The following CSMD1 variants were observed in gnomAD, a reference collection of about 807,000 sequenced individuals.
The protein encoded by CSMD1 is CUB and Sushi multiple domains 1, also known as CUB and sushi domain-containing protein 1.
A neutral mutation model predicts 417.5 loss-of-function variants in CSMD1; 213 were observed. The ratio of observed to expected loss-of-function variants is 0.51; its 90% CI spans 0.46 to 0.57. The LOEUF is 0.57. Among genes scored for constraint, CSMD1 ranks in the 20% least tolerant of loss-of-function variants. The probability of loss-of-function intolerance (pLI) is 0.00; values close to 1 mark genes in which losing one functional copy is unlikely to be tolerated. For missense variants in CSMD1, 6,923 were observed against 4,529.7 expected (o/e 1.53, Z -15.17); for synonymous variants, 2,862 against 1,736.8 (o/e 1.65, Z -16.11).
chr8:3,780,527 G>C (rs1054601388), intron 5 of CSMD1, among the ~76,000 whole-genome samples: 12 of 152,154 alleles, frequency 7.9e-5, no homozygotes, highest in Non-Finnish European at 1.8e-4. Context: ...TGGTACTACT[G>C]AATTGGATGG....
intron 9 of CSMD1, among the ~76,000 whole-genome samples, chr8:3,576,118 A>G (rs1800140831): frequency 2.6e-5 from 4 of 152,102 alleles, no homozygotes. Flanking sequence ...CAAGTCAGTT[A>G]TTATTCTAGC....
chr8:3,805,868 AG>A (rs776721260), intron 5 of CSMD1, among the ~76,000 whole-genome samples: 5 of 152,102 alleles, frequency 3.3e-5, no homozygotes, highest in Non-Finnish European at 5.9e-5. Flanking sequence ...TCAGTTTCCC[AG>A]ATTTCTATTC....
intron 7 of CSMD1, among the ~76,000 whole-genome samples, chr8:3,701,185 G>T (rs1361966837): frequency 6.6e-6 from 1 of 152,078 alleles, no homozygotes; most frequent in Admixed American, 6.6e-5. Flanking sequence ...CCCGTGGATA[G>T]GAAGTTCTGG....
At chr8:4,437,522 T>A (rs766912426) in intron 2 of CSMD1, among the ~76,000 whole-genome samples, 1 of 152,178 alleles carries the variant, frequency 6.6e-6, no homozygotes. Flanking sequence ...TGTATTTTTG[T>A]CATTTATTTC....
intron 1 of CSMD1, among the ~76,000 whole-genome samples, chr8:4,722,333 T>C (rs955535395): frequency 3.9e-5 from 6 of 152,306 alleles, no homozygotes; most frequent in Non-Finnish European, 4.4e-5. Flanking sequence ...ATATATTTAA[T>C]ATCCATGCAG....
At chr8:4,791,003 G>A (rs1580189) in intron 1 of CSMD1, among the ~76,000 whole-genome samples, 1 of 151,958 alleles carries the variant, frequency 6.6e-6, no homozygotes, top group African/African-American at 2.4e-5. Context: ...AGACTAAAAA[G>A]TTCTGCACTG....
intron 5 of CSMD1, among the ~76,000 whole-genome samples, chr8:3,823,687 T>C (rs930315861): frequency 5.3e-5 from 8 of 152,136 alleles, no homozygotes; most frequent in East Asian, 1.9e-4. Context: ...GCAATGGATA[T>C]ATGTTTGAAC....
At chr8:4,563,542 A>G (rs542714116) in intron 2 of CSMD1, among the ~76,000 whole-genome samples, 106 of 152,294 alleles carry the variant, frequency 7.0e-4, no homozygotes, top group African/African-American at 2.4e-3. Flanking sequence ...ACTCCTCACC[A>G]CACATCCTCA....
intron 5 of CSMD1, among the ~76,000 whole-genome samples, chr8:3,990,012 G>C (rs1814624956): frequency 6.6e-6 from 1 of 152,196 alleles, no homozygotes; most frequent in Non-Finnish European, 1.5e-5. Context: ...TGTGCCAGTT[G>C]GCTGATTTGA....
At chr8:4,108,172 T>C (rs941890657) in intron 3 of CSMD1, among the ~76,000 whole-genome samples, 1 of 151,964 alleles carries the variant, frequency 6.6e-6, no homozygotes, top group Non-Finnish European at 1.5e-5. Context: ...TTATTTTTAT[T>C]AAGTTGTATC....
chr8:3,517,996 T>C (rs1028426311), intron 10 of CSMD1, among the ~76,000 whole-genome samples: 2 of 152,200 alleles, frequency 1.3e-5, no homozygotes, highest in Admixed American at 6.5e-5. Flanking sequence ...ATAAATCATG[T>C]AGGTGAACTT....
At chr8:4,771,466 G>A (rs1452077623) in intron 1 of CSMD1, among the ~76,000 whole-genome samples, 1 of 152,176 alleles carries the variant, frequency 6.6e-6, no homozygotes, top group African/African-American at 2.4e-5. Context: ...CATCCTCCGT[G>A]CGAAGCTCAG....
chr8:4,188,000 G>T (rs530140313), intron 3 of CSMD1, among the ~76,000 whole-genome samples: 1 of 151,874 alleles, frequency 6.6e-6, no homozygotes, highest in Admixed American at 6.6e-5. Flanking sequence ...CTCCTAAAAA[G>T]CCAATACCTT....
chr8:4,237,704 G>A (rs914041479), intron 3 of CSMD1, among the ~76,000 whole-genome samples: 10 of 152,178 alleles, frequency 6.6e-5, no homozygotes, highest in Admixed American at 5.9e-4. Context: ...GTAGAGACAT[G>A]GTTTTGCTAT....
At position 4,990,537 on chromosome 8, in the gene CSMD1, A is replaced by AT. The variant is rs201206206; in HGVS notation, c.85+3794dup. Among the ~76,000 whole-genome samples the AT allele has an allele frequency of 7.0e-4, 106 of 151,782 alleles. 1 individual carries two copies. The highest frequency in any genetic ancestry group is 3.4e-3 in the Middle Eastern group (1 of 294). ...CGCCACCACGCCCAGCTAATTTCGT[A>AT]TTTTTTTTGTAGAGATGGGGTTTCA... is the stretch of plus-strand genomic sequence containing the variant. On this transcript the variant is annotated intron_variant, in intron 1 of 69. Coordinates refer to ENST00000635120, the MANE Select transcript of CSMD1 (RefSeq NM_033225.6).
At chr8:4,362,894 A>G (rs567232247) in intron 3 of CSMD1, among the ~76,000 whole-genome samples, 38 of 152,334 alleles carry the variant, frequency 2.5e-4, no homozygotes, top group Non-Finnish European at 3.8e-4. Context: ...TATAAAAGTA[A>G]TTTAATTAAA....
chr8:4,134,948 A>C (rs572424935), intron 3 of CSMD1, among the ~76,000 whole-genome samples: 1 of 152,136 alleles, frequency 6.6e-6, no homozygotes, highest in South Asian at 2.1e-4. Flanking sequence ...CTCAACCAAC[A>C]CATCTGTTGT....
chr8:4,479,553 C>A (rs1172166773), intron 2 of CSMD1, among the ~76,000 whole-genome samples: 1 of 152,130 alleles, frequency 6.6e-6, no homozygotes, highest in East Asian at 1.9e-4. Context: ...CGTTTCACTT[C>A]CAGAGCACAA....
intron 3 of CSMD1, among the ~76,000 whole-genome samples, chr8:4,388,418 T>A (rs141187708): frequency 7.9e-5 from 12 of 151,744 alleles, no homozygotes; most frequent in Non-Finnish European, 1.2e-4. Context: ...CTGGATGACA[T>A]TGGAGACTAT....
Sources: gnomAD v4.1 joint callset for allele counts (sites outside exome capture counted in the v4.1 genomes callset) on GRCh38, gnomAD v4.1.1 for gene constraint, MANE v1.5 for transcripts, NCBI Gene and HGNC (gene_info 2026-07-23, HGNC 2026-07-21) for gene names.